The following PTGER3 variants were observed in gnomAD, a reference collection of about 807,000 sequenced individuals.
PTGER3 encodes prostaglandin E2 receptor EP3 subtype.
PTGER3 carries 22 observed loss-of-function variants against 34.7 expected under a neutral mutation model. The observed-to-expected ratio is 0.63, with a 90% CI of 0.45 to 0.91. The LOEUF is 0.91. Ranked by LOEUF, PTGER3 falls within the 40% of genes least tolerant of loss-of-function variation. PTGER3 has a pLI of 0.00. For synonymous variants in PTGER3, 241 were observed against 230.1 expected (o/e 1.05, Z -0.43); for missense variants, 468 against 519.4 (o/e 0.90, Z 0.96).
exon 4 of PTGER3, chr1:70,952,880 A>G (rs1181975481): frequency 1.9e-6 from 3 of 1,568,002 alleles, no homozygotes; most frequent in South Asian, 2.4e-5. Flanking sequence ...TTTAAAACAC[A>G]GCACTCCTGT....
chr1:70,861,821 C>A (rs1298879241), intron 4 of PTGER3, among the ~76,000 whole-genome samples: 1 of 152,002 alleles, frequency 6.6e-6, no homozygotes, highest in Non-Finnish European at 1.5e-5. Flanking sequence ...GGAAAGCAAA[C>A]TCTCATTTCT....
intron 4 of PTGER3, among the ~76,000 whole-genome samples, chr1:70,909,478 C>T (rs1035685075): frequency 1.3e-5 from 2 of 152,138 alleles, no homozygotes; most frequent in African/African-American, 4.8e-5. Flanking sequence ...AGGAGTAATT[C>T]ATTCTTCCTG....
chr1:71,046,438 T>C (rs1388662968), intron 1 of PTGER3, among the ~76,000 whole-genome samples: 1 of 152,218 alleles, frequency 6.6e-6, no homozygotes, highest in Non-Finnish European at 1.5e-5. Context: ...TGAGCAGCCC[T>C]GTGATCTCTA....
intron 4 of PTGER3, among the ~76,000 whole-genome samples, chr1:70,898,727 C>G (rs1177872125): frequency 6.6e-6 from 1 of 152,102 alleles, no homozygotes; most frequent in Non-Finnish European, 1.5e-5. Context: ...TATTTATATT[C>G]TGGAGTTTTT....
At chr1:70,853,849 G>C (rs1645738577) in intron 4 of PTGER3, among the ~76,000 whole-genome samples, 1 of 152,158 alleles carries the variant, frequency 6.6e-6, no homozygotes, top group Non-Finnish European at 1.5e-5. Flanking sequence ...TTTGACAAGA[G>C]TGCCAAAACC....
intron 4 of PTGER3, among the ~76,000 whole-genome samples, chr1:70,903,996 G>A (rs1203473038): frequency 6.6e-6 from 1 of 152,144 alleles, no homozygotes; most frequent in African/African-American, 2.4e-5. Flanking sequence ...CCCATGTGTT[G>A]TGGAAAGAAC....
downstream of PTGER3, among the ~76,000 whole-genome samples, chr1:70,966,126 A>G (rs1403309137): frequency 6.6e-6 from 1 of 152,228 alleles, no homozygotes; most frequent in Non-Finnish European, 1.5e-5. Context: ...AAGAAGTAAT[A>G]CAATTTATAT....
intron 4 of PTGER3, among the ~76,000 whole-genome samples, chr1:70,938,882 C>T (rs1171608191): frequency 6.6e-6 from 1 of 152,042 alleles, no homozygotes; most frequent in Admixed American, 6.6e-5. Flanking sequence ...ATGGAAAATT[C>T]CACGCCGGCC....
intron 4 of PTGER3, among the ~76,000 whole-genome samples, chr1:70,927,048 ATAAGCTTTTTGATGTGC>A (rs1350192526): frequency 6.6e-6 from 1 of 152,278 alleles, no homozygotes; most frequent in African/African-American, 2.4e-5. Context: ...ATCGTGGTGG[ATAAGCTTTTTGATGTGC>A]TTCTGGATTC....
downstream of PTGER3, among the ~76,000 whole-genome samples, chr1:70,949,244 G>T (rs1650512751): frequency 6.6e-6 from 1 of 152,134 alleles, no homozygotes; most frequent in South Asian, 2.1e-4. Flanking sequence ...ATAATTTTCT[G>T]TGTACAAAAT....
chr1:70,902,021 C>T (rs746070876), intron 4 of PTGER3, among the ~76,000 whole-genome samples: 39 of 151,952 alleles, frequency 2.6e-4, no homozygotes, highest in Admixed American at 1.5e-3. Context: ...AGATGATATC[C>T]GAAATATCAG....
At chr1:70,927,775 A>T (rs1648256341) in intron 4 of PTGER3, among the ~76,000 whole-genome samples, 1 of 152,156 alleles carries the variant, frequency 6.6e-6, no homozygotes, top group Non-Finnish European at 1.5e-5. Flanking sequence ...GAGAACAGGA[A>T]AATATGAAAC....
At chr1:70,992,150 T>C (rs997327457) in intron 2 of PTGER3, among the ~76,000 whole-genome samples, 16 of 152,202 alleles carry the variant, frequency 1.1e-4, no homozygotes, top group Non-Finnish European at 2.9e-5. Context: ...GTAAATGAAC[T>C]GGGGTTTGAA....
At chr1:71,039,660 A>AC (rs1660129315) in intron 1 of PTGER3, among the ~76,000 whole-genome samples, 1 of 146,572 alleles carries the variant, frequency 6.8e-6, no homozygotes, top group Non-Finnish European at 1.5e-5. Flanking sequence ...AAAAAAAAAA[A>AC]AAAAAAAAAA....
intron 1 of PTGER3, among the ~76,000 whole-genome samples, chr1:71,018,787 ATTG>A (rs1472541625): frequency 6.6e-6 from 1 of 152,184 alleles, no homozygotes; most frequent in African/African-American, 2.4e-5. Flanking sequence ...ATTTAAAATT[ATTG>A]TTATGAGGCA....
intron 2 of PTGER3, among the ~76,000 whole-genome samples, chr1:71,004,144 T>TA (rs1656732895): frequency 6.6e-6 from 1 of 152,220 alleles, no homozygotes; most frequent in African/African-American, 2.4e-5. Context: ...GCCTTCTTTT[T>TA]AAAAATTGCA....
chr1:70,946,658 A>G (rs1650254514), intron 4 of PTGER3, among the ~76,000 whole-genome samples: 1 of 152,128 alleles, frequency 6.6e-6, no homozygotes, highest in Non-Finnish European at 1.5e-5. Context: ...CTGGGTGTTC[A>G]TGGACCCACC....
intron 4 of PTGER3, among the ~76,000 whole-genome samples, chr1:70,930,117 T>G (rs916995946): frequency 1.3e-5 from 2 of 152,210 alleles, no homozygotes; most frequent in Non-Finnish European, 2.9e-5. Context: ...TCCCAAAGTA[T>G]TTCAAACAAT....
intron 2 of PTGER3, chr1:71,010,898 A>T: frequency 3.0e-6 from 3 of 985,266 alleles, no homozygotes; most frequent in Non-Finnish European, 3.6e-6. Flanking sequence ...AAACACACAC[A>T]GAAATATGCA....
Sources: allele counts gnomAD v4.1 joint callset (sites outside exome capture counted in the v4.1 genomes callset), GRCh38; gene constraint gnomAD v4.1.1; transcripts MANE v1.5; gene names NCBI Gene and HGNC (gene_info 2026-07-23, HGNC 2026-07-21).